Variants in ROBO1 observed in about 807,000 individuals in gnomAD.
The protein encoded by ROBO1 is roundabout guidance receptor 1, also known as roundabout homolog 1.
A neutral mutation model predicts 195.9 loss-of-function variants in ROBO1; 149 were observed. The ratio of observed to expected loss-of-function variants is 0.76; its 90% confidence interval spans 0.67 to 0.87. ROBO1 has a LOEUF of 0.87. Among genes scored for constraint, ROBO1 ranks in the 40% least tolerant of loss-of-function variants. The pLI is 0.00. For synonymous variants in ROBO1, 816 were observed against 733.2 expected (o/e 1.11, Z -1.82); for missense variants, 1,933 against 2,068.3 (o/e 0.93, Z 1.27).
chr3:78,988,681 T>G (rs185448347), intron 3 of ROBO1, among the ~76,000 whole-genome samples: 1 of 152,182 alleles, frequency 6.6e-6, no homozygotes, highest in East Asian at 1.9e-4. Flanking sequence ...CTAAAACTCT[T>G]TGTTTTGTAA....
chr3:78,656,331 A>G (rs1022251338), intron 18 of ROBO1, among the ~76,000 whole-genome samples: 3 of 149,570 alleles, frequency 2.0e-5, no homozygotes, highest in Admixed American at 1.4e-4. Context: ...TTTAAATTGA[A>G]GTTTGCTTAT....
chr3:78,735,972 C>T (rs2082383224), intron 5 of ROBO1, among the ~76,000 whole-genome samples: 1 of 152,082 alleles, frequency 6.6e-6, no homozygotes, highest in South Asian at 2.1e-4. Context: ...CACAATCTCT[C>T]AACTCAGCTC....
chr3:78,693,224 T>A, intron 8 of ROBO1: 1 of 1,304,010 alleles, frequency 7.7e-7, no homozygotes, highest in South Asian at 1.4e-5. Context: ...TTGTGGCCAA[T>A]GACAAGTGAA....
intron 2 of ROBO1, among the ~76,000 whole-genome samples, chr3:79,214,731 G>C (rs1038240966): frequency 2.8e-5 from 4 of 144,286 alleles, no homozygotes; most frequent in African/African-American, 1.0e-4. Context: ...ATATATATTT[G>C]CTATATATAT....
At chr3:79,200,560 GCC>G in intron 2 of ROBO1, among the ~76,000 whole-genome samples, 2 of 151,844 alleles carry the variant, frequency 1.3e-5, no homozygotes, top group African/African-American at 4.8e-5. Flanking sequence ...AGAAAACACA[GCC>G]TGGACAGTGT....
In ROBO1 at chr3:79,547,620, T is replaced by G. The variant is rs186278629; in HGVS notation, c.88+42204A>C. ...AATACTATGAGATGATATTTAGGTGTGGGAATGTATGTGATACTTGTGCAG... is the reference window on the plus strand; with the variant it reads ...AATACTATGAGATGATATTTAGGTGGGGGAATGTATGTGATACTTGTGCAG... On this transcript the variant is annotated intron_variant, in intron 2 of 30. Transcript: ENST00000464233. 3.7e-3 allele frequency among the ~76,000 whole-genome samples: 557 copies of G among 152,274 alleles called. 2 individuals are homozygous for G. Among genetic ancestry groups the G allele is most frequent in the African/African-American group, 0.011 (473 of 41,560 alleles).
chr3:78,974,173 T>C (rs1326982594), intron 3 of ROBO1, among the ~76,000 whole-genome samples: 1 of 152,120 alleles, frequency 6.6e-6, no homozygotes, highest in East Asian at 1.9e-4. Flanking sequence ...ATTTGCATCA[T>C]GGGCCAATAT....
chr3:78,851,723 TCAATATAAA>T (rs1235317527), intron 4 of ROBO1, among the ~76,000 whole-genome samples: 10 of 152,274 alleles, frequency 6.6e-5, no homozygotes, highest in African/African-American at 2.2e-4. Flanking sequence ...TTGATCCTCA[TCAATATAAA>T]GTACAAATAA....
intron 4 of ROBO1, among the ~76,000 whole-genome samples, chr3:78,754,271 G>C (rs1293009455): frequency 6.6e-6 from 1 of 152,120 alleles, no homozygotes; most frequent in Non-Finnish European, 1.5e-5. Flanking sequence ...TGGAAAGGAG[G>C]ACAAAGAATG....
intron 3 of ROBO1, among the ~76,000 whole-genome samples, chr3:78,986,181 T>C (rs1042452377): frequency 2.0e-5 from 3 of 152,116 alleles, no homozygotes; most frequent in East Asian, 1.9e-4. Context: ...CAAAAGGGAA[T>C]GATAGGCTAT....
At chr3:79,296,235 C>T (rs140977429) in intron 2 of ROBO1, among the ~76,000 whole-genome samples, 57 of 152,182 alleles carry the variant, frequency 3.7e-4, no homozygotes, top group Non-Finnish European at 7.5e-4. Context: ...AACACAGATA[C>T]GTTTATTACC....
intron 2 of ROBO1, among the ~76,000 whole-genome samples, chr3:79,556,346 T>C (rs1359827084): frequency 6.6e-6 from 1 of 152,076 alleles, no homozygotes; most frequent in Non-Finnish European, 1.5e-5. Context: ...TGTTTGAAAG[T>C]ATATAAATAG....
intron 2 of ROBO1, among the ~76,000 whole-genome samples, chr3:79,436,845 C>T (rs190934055): frequency 2.6e-5 from 4 of 152,018 alleles, no homozygotes; most frequent in Admixed American, 6.6e-5. Context: ...TTTAGCTTTT[C>T]GGGTTACAGA....
intron 2 of ROBO1, among the ~76,000 whole-genome samples, chr3:79,512,106 A>G (rs1940736162): frequency 6.6e-6 from 1 of 152,178 alleles, no homozygotes; most frequent in Admixed American, 6.6e-5. Context: ...AACTGATAGT[A>G]ATGTCTACAC....
At chr3:78,804,098 C>T (rs986819409) in intron 4 of ROBO1, among the ~76,000 whole-genome samples, 4 of 152,068 alleles carry the variant, frequency 2.6e-5, no homozygotes, top group Admixed American at 6.6e-5. Flanking sequence ...AACAAATCTC[C>T]GCTCATCAGC....
intron 1 of ROBO1, among the ~76,000 whole-genome samples, chr3:79,753,290 TA>T (rs77783199): frequency 0.21 from 30,381 of 145,288 alleles, 3,097 homozygotes; most frequent in African/African-American, 0.27. Context: ...TACTGGGATT[TA>T]AAAAAAAAAA....
chr3:79,444,605 A>G (rs972398041), intron 2 of ROBO1, among the ~76,000 whole-genome samples: 2 of 152,104 alleles, frequency 1.3e-5, no homozygotes, highest in Non-Finnish European at 2.9e-5. Context: ...CAACTCCTAG[A>G]TTTCTATCCT....
intron 2 of ROBO1, among the ~76,000 whole-genome samples, chr3:79,560,286 A>G (rs1441418834): frequency 1.3e-5 from 2 of 149,210 alleles, no homozygotes; most frequent in East Asian, 2.0e-4. Context: ...CGCAAGGACA[A>G]AAAACCAAAC....
At chr3:79,535,715 C>T (rs898958882) in intron 2 of ROBO1, among the ~76,000 whole-genome samples, 20 of 151,970 alleles carry the variant, frequency 1.3e-4, no homozygotes, top group African/African-American at 4.6e-4. Context: ...TTACTCCCTG[C>T]CATTTCTTAC....
Sources: allele counts gnomAD v4.1 joint callset (sites outside exome capture counted in the v4.1 genomes callset), GRCh38; gene constraint gnomAD v4.1.1; transcripts MANE v1.5; gene names NCBI Gene and HGNC (gene_info 2026-07-23, HGNC 2026-07-21).